The following NSMCE2 variants were observed in gnomAD, a reference collection of about 807,000 sequenced individuals.
NSMCE2 encodes the protein NSE2 SUMO ligase component of SMC5/6 complex, also known as E3 SUMO-protein ligase NSE2.
In NSMCE2, 24 loss-of-function variants were observed where a neutral mutation model predicts 23.8. The ratio of observed to expected loss-of-function variants is 1.01; its 90% CI spans 0.73 to 1.42. The LOEUF is 1.42. Among genes scored for constraint, NSMCE2 ranks in the 40% most tolerant of loss-of-function variants. NSMCE2 has a pLI of 0.00. For synonymous variants in NSMCE2, 92 were observed against 94.1 expected, an observed-to-expected ratio of 0.98 and a Z score of 0.13; for missense variants, 284 against 296.5, an observed-to-expected ratio of 0.96 and a Z score of 0.31.
intron 5 of NSMCE2, among the ~76,000 whole-genome samples, chr8:125,297,218 A>T (rs1310799395): frequency 6.6e-6 from 1 of 151,716 alleles, no homozygotes; most frequent in Non-Finnish European, 1.5e-5. Flanking sequence ...CTAAAGCTAC[A>T]TTCCTATAAA....
At chr8:125,242,126 C>T (rs1254332645) in intron 5 of NSMCE2, among the ~76,000 whole-genome samples, 1 of 151,958 alleles carries the variant, frequency 6.6e-6, no homozygotes, top group Admixed American at 6.6e-5. Flanking sequence ...TTGAGAACCA[C>T]TGTTACAGGT....
chr8:125,232,401 C>A (rs987775445), intron 5 of NSMCE2, among the ~76,000 whole-genome samples: 1 of 151,964 alleles, frequency 6.6e-6, no homozygotes, highest in African/African-American at 2.4e-5. Context: ...TTTCTGTAAG[C>A]ACTGTGCACA....
At chr8:125,206,327 T>C (rs1824117381) in intron 5 of NSMCE2, among the ~76,000 whole-genome samples, 1 of 152,128 alleles carries the variant, frequency 6.6e-6, no homozygotes, top group African/African-American at 2.4e-5. Context: ...ATAGGACAGT[T>C]TGATTAATAA....
intron 5 of NSMCE2, among the ~76,000 whole-genome samples, chr8:125,272,037 G>A (rs1346337806): frequency 1.6e-5 from 2 of 126,170 alleles, no homozygotes; most frequent in African/African-American, 3.1e-5. Context: ...TTTTTGAGAC[G>A]GAGTCTCGCT....
chr8:125,325,324 G>A (rs62520999), intron 5 of NSMCE2, among the ~76,000 whole-genome samples: 86 of 50,676 alleles, frequency 1.7e-3, no homozygotes, highest in South Asian at 0.012. Context: ...ATAAAATAAA[G>A]TAAAATAAAA....
At chr8:125,167,525 T>C (rs1821952135) in intron 4 of NSMCE2, among the ~76,000 whole-genome samples, 1 of 151,662 alleles carries the variant, frequency 6.6e-6, no homozygotes, top group Admixed American at 6.6e-5. Flanking sequence ...ATTAGCTGGG[T>C]TCGGGAGGCT....
At chr8:125,330,759 T>C (rs1829845258) in intron 5 of NSMCE2, among the ~76,000 whole-genome samples, 1 of 152,138 alleles carries the variant, frequency 6.6e-6, no homozygotes, top group Non-Finnish European at 1.5e-5. Context: ...CGCCAGAGGC[T>C]TTGGAGGAGT....
chr8:125,255,010 G>A (rs904772693), intron 5 of NSMCE2, among the ~76,000 whole-genome samples: 5 of 152,098 alleles, frequency 3.3e-5, no homozygotes, highest in Non-Finnish European at 7.4e-5. Context: ...ATGACGCATT[G>A]TATCAGTTTC....
At chr8:125,248,898 G>A (rs1475794139) in intron 5 of NSMCE2, among the ~76,000 whole-genome samples, 3 of 152,106 alleles carry the variant, frequency 2.0e-5, no homozygotes, top group Non-Finnish European at 4.4e-5. Context: ...AGCCAGGCAC[G>A]GTGGCTCATG....
intron 5 of NSMCE2, among the ~76,000 whole-genome samples, chr8:125,285,895 A>G (rs1487984595): frequency 1.3e-5 from 2 of 152,072 alleles, no homozygotes; most frequent in African/African-American, 4.8e-5. Context: ...CCAAGGTCAC[A>G]TGTATGTCTC....
chr8:125,346,713 T>G (rs749637423), intron 5 of NSMCE2, among the ~76,000 whole-genome samples: 3 of 152,188 alleles, frequency 2.0e-5, no homozygotes, highest in Non-Finnish European at 4.4e-5. Flanking sequence ...TTCCAGTATT[T>G]ATTGGTTTGA....
chr8:125,148,354 C>A (rs1820803030), intron 3 of NSMCE2, among the ~76,000 whole-genome samples: 1 of 152,170 alleles, frequency 6.6e-6, no homozygotes, highest in African/African-American at 2.4e-5. Context: ...ATATGGGACC[C>A]TGTTAATGAG....
At chr8:125,115,995 A>G (rs958348941) in intron 3 of NSMCE2, among the ~76,000 whole-genome samples, 4 of 152,188 alleles carry the variant, frequency 2.6e-5, no homozygotes, top group Non-Finnish European at 5.9e-5. Context: ...TAAGGCACAC[A>G]CCCAAGTTGC....
At chr8:125,107,362 T>A (rs1172112106) in intron 3 of NSMCE2, among the ~76,000 whole-genome samples, 2 of 151,888 alleles carry the variant, frequency 1.3e-5, no homozygotes, top group Non-Finnish European at 2.9e-5. Flanking sequence ...CCCGGCTAAT[T>A]TTTGTATCTT....
At chr8:125,299,804 CTTTTTTTTTT>C (rs58789139) in intron 5 of NSMCE2, among the ~76,000 whole-genome samples, 22 of 70,262 alleles carry the variant, frequency 3.1e-4, no homozygotes, top group South Asian at 1.1e-3. Context: ...TTTTGGCTTT[CTTTTTTTTTT>C]TTTTTTTTTT....
intron 5 of NSMCE2, among the ~76,000 whole-genome samples, chr8:125,287,736 C>T (rs1029940866): frequency 2.0e-5 from 3 of 152,128 alleles, no homozygotes; most frequent in Non-Finnish European, 4.4e-5. Context: ...GTTCTGACTA[C>T]CCAGGGACCA....
At chr8:125,176,759 T>G (rs1822518271) in intron 4 of NSMCE2, among the ~76,000 whole-genome samples, 1 of 152,224 alleles carries the variant, frequency 6.6e-6, no homozygotes, top group South Asian at 2.1e-4. Context: ...AAATGTCTCA[T>G]AAAGATCCCG....
intron 5 of NSMCE2, among the ~76,000 whole-genome samples, chr8:125,225,316 T>C (rs552340764): frequency 1.3e-3 from 203 of 152,352 alleles, no homozygotes; most frequent in South Asian, 7.0e-3. Flanking sequence ...TCCTTTCATC[T>C]TGTGGCTCTT....
At position 125,213,240 on chromosome 8, in the gene NSMCE2, G is replaced by A. The variant is rs115209505; in HGVS notation, c.418+30984G>A. 3.4e-3 allele frequency among the ~76,000 whole-genome samples: 511 copies of A among 152,060 alleles called. 3 individuals are homozygous for A. The highest frequency in any genetic ancestry group is 0.011 in the African/African-American group (455 of 41,476). On this transcript the variant is annotated intron_variant, in intron 5 of 7. Coordinates refer to ENST00000287437, the MANE Select transcript of NSMCE2 (RefSeq NM_173685.4). ...GAGGACACTGAAAGCAAAATGAATC[G>A]TGCCATTGGAAAATGCCCTGTAGAT...
Sources: gnomAD v4.1 joint callset for allele counts (sites outside exome capture counted in the v4.1 genomes callset) on GRCh38, gnomAD v4.1.1 for gene constraint, MANE v1.5 for transcripts, NCBI Gene and HGNC (gene_info 2026-07-23, HGNC 2026-07-21) for gene names.